The following CMSS1 variants were observed in gnomAD, a reference collection of about 807,000 sequenced individuals.
The protein encoded by CMSS1 is cms1 ribosomal small subunit homolog, also known as protein CMSS1.
CMSS1 carries 33 observed loss-of-function variants against 43.5 expected under a neutral mutation model. The ratio of observed to expected loss-of-function variants is 0.76; its 90% confidence interval spans 0.57 to 1.01. CMSS1 has a LOEUF of 1.01. Among genes scored for constraint, CMSS1 ranks in the 50% least tolerant of loss-of-function variants. CMSS1 has a pLI of 0.00. For missense variants in CMSS1, 313 were observed against 326.4 expected, an observed-to-expected ratio of 0.96 and a Z score of 0.32; for synonymous variants, 115 against 117.2, an observed-to-expected ratio of 0.98 and a Z score of 0.12.
intron 1 of CMSS1, among the ~76,000 whole-genome samples, chr3:99,957,709 T>TTTTTTTTTTTTTTTTTTTTTTTTTG (rs1708370271): frequency 7.7e-6 from 1 of 129,162 alleles, no homozygotes; most frequent in Non-Finnish European, 1.6e-5. Flanking sequence ...TTTTTTTTTT[T>TTTTTTTTTTTTTTTTTTTTTTTTTG]TTTTTTTTTT....
intron 1 of CMSS1, among the ~76,000 whole-genome samples, chr3:100,078,305 A>G (rs909040812): frequency 2.6e-5 from 4 of 152,226 alleles, no homozygotes; most frequent in Non-Finnish European, 4.4e-5. Flanking sequence ...CCAATAATTG[A>G]TAAATCCAGA....
At chr3:99,899,794 G>A (rs539600550) in intron 1 of CMSS1, among the ~76,000 whole-genome samples, 19 of 152,126 alleles carry the variant, frequency 1.2e-4, no homozygotes, top group Non-Finnish European at 2.6e-4. Context: ...ATGTTGAATT[G>A]CATAACTTCT....
At position 99,934,472 on chromosome 3, in the gene CMSS1, G is replaced by A. The variant is rs141768769; in HGVS notation, c.64+116429G>A. ...TGATGAATTCCTATGTTTTCCTCTT[G>A]CCCACATAGTCCTGTGTGGAACAAT... On this transcript the variant is annotated intron_variant, in intron 1 of 9. Coordinates refer to ENST00000421999, the MANE Select transcript of CMSS1 (RefSeq NM_032359.4). Among the ~76,000 whole-genome samples, 349 of 152,046 alleles carry A rather than the reference G, an allele frequency of 2.3e-3. 1 individual carries two copies. Among genetic ancestry groups the A allele is most frequent in the Non-Finnish European group, 2.6e-3 (180 of 68,000 alleles).
At position 100,085,331 on chromosome 3, in the gene CMSS1, C is replaced by T. The variant is rs954307371; in HGVS notation, c.65-61642C>T. Among the ~76,000 whole-genome samples the T allele has an allele frequency of 3.9e-5, 6 of 152,124 alleles. No homozygotes were observed. In the East Asian group the frequency reaches 9.6e-4, roughly 24 times the overall value. On this transcript the variant is annotated intron_variant, in intron 1 of 9. Transcript: ENST00000421999. ...AGAGGACTGATGTTTTATATCTTCC[C>T]TTCTCCTTAAGGAATTCATTTCTTT...
Position 100,146,965 on chromosome 3 carries a change from T to A in CMSS1, c.65-8T>A. 1 of 1,612,876 alleles carries A rather than the reference T, an allele frequency of 6.2e-7. No individual in the cohort carries two copies. Among genetic ancestry groups the A allele is most frequent in the Non-Finnish European group, 8.5e-7 (1 of 1,179,396 alleles). On this transcript the variant is annotated splice_polypyrimidine_tract_variant and splice_region_variant and intron_variant, in intron 1 of 9. Transcript: ENST00000421999. The stretch of plus-strand genomic sequence containing the variant: ...ACTTTTCTGATTTTCAAACTTTATA[T>A]TTTCTAGAAGCATCAGATGGTGAAG...
intron 1 of CMSS1, among the ~76,000 whole-genome samples, chr3:99,883,499 A>G (rs559364314): frequency 3.7e-4 from 56 of 152,292 alleles, no homozygotes; most frequent in African/African-American, 1.3e-3. Flanking sequence ...CTCCCCTTTT[A>G]TAGGCTATGT....
At chr3:99,982,471 G>T (rs1346238792) in intron 1 of CMSS1, among the ~76,000 whole-genome samples, 2 of 151,966 alleles carry the variant, frequency 1.3e-5, no homozygotes, top group Admixed American at 6.6e-5. Flanking sequence ...CTCCTGAATG[G>T]CTGGGACTAC....
intron 1 of CMSS1, among the ~76,000 whole-genome samples, chr3:99,870,677 A>G (rs933631026): frequency 6.6e-6 from 1 of 152,214 alleles, no homozygotes; most frequent in Admixed American, 6.5e-5. Flanking sequence ...GGAGAATTAT[A>G]AGCCCTAGGC....
chr3:100,025,405 C>T (rs1190125831), intron 1 of CMSS1: 1 of 152,104 alleles, frequency 6.6e-6, no homozygotes, highest in African/African-American at 2.4e-5. Flanking sequence ...AATCACTTTC[C>T]TTCTTCTCTT....
intron 1 of CMSS1, chr3:99,929,844 T>C (rs779333764): frequency 1.1e-5 from 17 of 1,602,100 alleles, no homozygotes; most frequent in Non-Finnish European, 1.4e-5. Context: ...ACACCCCTAT[T>C]GTGGTACATA....
intron 1 of CMSS1, among the ~76,000 whole-genome samples, chr3:99,886,042 G>A (rs1314266408): frequency 1.3e-5 from 2 of 152,218 alleles, no homozygotes; most frequent in Non-Finnish European, 2.9e-5. Context: ...GTGGATAAAA[G>A]AGGTATTACA....
At chr3:100,040,576 A>G (rs147008964) in intron 1 of CMSS1, 2 of 152,184 alleles carry the variant, frequency 1.3e-5, no homozygotes, top group Non-Finnish European at 2.9e-5. Flanking sequence ...GCACATCTAG[A>G]TGATTAATAG....
intron 1 of CMSS1, among the ~76,000 whole-genome samples, chr3:100,105,837 G>A (rs1014358846): frequency 1.3e-5 from 2 of 152,170 alleles, no homozygotes; most frequent in African/African-American, 4.8e-5. Context: ...CTCCTGGGAT[G>A]CAAGTAGTTT....
intron 1 of CMSS1, among the ~76,000 whole-genome samples, chr3:99,968,368 C>A (rs963737628): frequency 4.6e-5 from 7 of 150,916 alleles, no homozygotes; most frequent in African/African-American, 1.7e-4. Context: ...ACCTGTTTTG[C>A]TGTCTTGTTT....
At chr3:99,900,566 A>G (rs764304802) in intron 1 of CMSS1, among the ~76,000 whole-genome samples, 17 of 152,362 alleles carry the variant, frequency 1.1e-4, no homozygotes, top group Middle Eastern at 3.4e-3. Flanking sequence ...CTTTAGCCCT[A>G]TGTTATAACT....
At chr3:99,908,247 C>A (rs867246237) in intron 1 of CMSS1, among the ~76,000 whole-genome samples, 20 of 152,258 alleles carry the variant, frequency 1.3e-4, no homozygotes, top group Middle Eastern at 3.4e-3. Context: ...GCAAATAAGA[C>A]CTTTCTATTA....
In CMSS1 at chr3:100,050,625, A is replaced by G. The variant is rs536021167; in HGVS notation, c.65-96348A>G. 4.6e-5 allele frequency among the ~76,000 whole-genome samples: 7 copies of G among 152,180 alleles called. No individual in the cohort carries two copies. In the East Asian group the frequency reaches 1.4e-3, roughly 29 times the overall value. ...CTGCTCACTGCAACCTCCATCTCCC[A>G]GGTTCAAGCGATTCTCCTGCCTCAG... On this transcript the variant is annotated intron_variant, in intron 1 of 9. Transcript: ENST00000421999.
intron 2 of CMSS1, among the ~76,000 whole-genome samples, chr3:100,156,039 G>GT (rs2066969521): frequency 6.6e-6 from 1 of 151,942 alleles, no homozygotes; most frequent in South Asian, 2.1e-4. Flanking sequence ...GGAGTTTTAT[G>GT]TTCTAGAAAG....
At chr3:100,101,966 C>G (rs915529244) in intron 1 of CMSS1, among the ~76,000 whole-genome samples, 4 of 152,118 alleles carry the variant, frequency 2.6e-5, no homozygotes, top group African/African-American at 9.7e-5. Flanking sequence ...TTTTTTATGG[C>G]TGCATAGTAT....
Sources: gnomAD v4.1 joint callset for allele counts (sites outside exome capture counted in the v4.1 genomes callset) on GRCh38, gnomAD v4.1.1 for gene constraint, MANE v1.5 for transcripts, NCBI Gene and HGNC (gene_info 2026-07-23, HGNC 2026-07-21) for gene names.